The following SV2C variants were observed in gnomAD, a reference collection of about 807,000 sequenced individuals.
SV2C encodes the protein solute carrier family 22 member B3.
SV2C carries 49 observed loss-of-function variants against 79.7 expected under a neutral mutation model. The ratio of observed to expected loss-of-function variants is 0.61; its 90% CI spans 0.49 to 0.78. The LOEUF (loss-of-function observed/expected upper bound fraction) is 0.78, where lower values mean the gene tolerates loss of function less well. Ranked by LOEUF, SV2C falls within the 30% of genes least tolerant of loss-of-function variation. SV2C has a pLI of 0.00. For synonymous variants in SV2C, 334 were observed against 333.2 expected (o/e 1.00, Z -0.03); for missense variants, 833 against 912.9 (o/e 0.91, Z 1.13).
chr5:76,144,095 T>C (rs560925483), intron 2 of SV2C, among the ~76,000 whole-genome samples: 33 of 152,338 alleles, frequency 2.2e-4, no homozygotes, highest in South Asian at 4.1e-4. Flanking sequence ...ACAATGTGAA[T>C]GTACTCAACA....
intron 5 of SV2C, chr5:76,285,517 C>T: frequency 1.5e-6 from 1 of 665,600 alleles, no homozygotes; most frequent in Non-Finnish European, 2.5e-6. Flanking sequence ...AAACAAATAA[C>T]TTGGCTCAAT....
chr5:76,306,655 T>A (rs1451330271), intron 12 of SV2C, among the ~76,000 whole-genome samples: 11 of 152,058 alleles, frequency 7.2e-5, no homozygotes, highest in African/African-American at 2.7e-4. Flanking sequence ...AAATGTGAAT[T>A]CCACACAGCA....
At chr5:76,118,177 T>C (rs942120645) in intron 1 of SV2C, among the ~76,000 whole-genome samples, 6 of 152,176 alleles carry the variant, frequency 3.9e-5, no homozygotes, top group African/African-American at 1.2e-4. Context: ...TCCTTGCTCT[T>C]CTAGCTTCTG....
At chr5:76,195,739 A>G (rs1428197741) in intron 3 of SV2C, among the ~76,000 whole-genome samples, 1 of 152,212 alleles carries the variant, frequency 6.6e-6, no homozygotes, top group African/African-American at 2.4e-5. Flanking sequence ...CTGAATAAGG[A>G]ATATATGAGA....
the SV2C span, among the ~76,000 whole-genome samples, chr5:75,922,331 T>C: frequency 9.2e-5 from 14 of 152,240 alleles, no homozygotes; most frequent in East Asian, 1.9e-4. Flanking sequence ...GATAGGAAAT[T>C]TATAAAACAA....
chr5:76,199,336 C>T (rs1013658411), intron 3 of SV2C, among the ~76,000 whole-genome samples: 2 of 152,066 alleles, frequency 1.3e-5, no homozygotes, highest in Non-Finnish European at 2.9e-5. Flanking sequence ...CTTTTGTGGG[C>T]CTCTGGTGCA....
At chr5:76,260,630 G>A (rs1416410194) in intron 4 of SV2C, among the ~76,000 whole-genome samples, 6 of 152,164 alleles carry the variant, frequency 3.9e-5, no homozygotes, top group African/African-American at 1.4e-4. Flanking sequence ...TAAGATGTAA[G>A]GAAGGTGTCC....
At chr5:75,982,879 C>T in the SV2C span, among the ~76,000 whole-genome samples, 3 of 152,106 alleles carry the variant, frequency 2.0e-5, no homozygotes, top group African/African-American at 4.8e-5. Flanking sequence ...AACCAAACAC[C>T]GCATGTTCTC....
intron 4 of SV2C, among the ~76,000 whole-genome samples, chr5:76,256,377 C>T (rs1746265824): frequency 6.6e-6 from 1 of 152,232 alleles, no homozygotes; most frequent in South Asian, 2.1e-4. Flanking sequence ...GGAACATCCA[C>T]TCACGCATGC....
At chr5:75,893,459 G>A in the SV2C span, among the ~76,000 whole-genome samples, 1 of 152,120 alleles carries the variant, frequency 6.6e-6, no homozygotes, top group African/African-American at 2.4e-5. Flanking sequence ...CGTGGAAGCA[G>A]CTGGAAGCTG....
At chr5:76,035,267 CTTAGT>C in the SV2C span, among the ~76,000 whole-genome samples, 1 of 150,382 alleles carries the variant, frequency 6.6e-6, no homozygotes, top group African/African-American at 2.4e-5. Flanking sequence ...CTGCTCTGAT[CTTAGT>C]TATATCTTGC....
At chr5:75,868,462 A>G in the SV2C span, among the ~76,000 whole-genome samples, 1 of 152,204 alleles carries the variant, frequency 6.6e-6, no homozygotes, top group Non-Finnish European at 1.5e-5. Context: ...CTAGAAGGAA[A>G]GGGTCGCTCT....
At chr5:75,888,482 C>G in the SV2C span, among the ~76,000 whole-genome samples, 133 of 152,200 alleles carry the variant, frequency 8.7e-4, no homozygotes, top group African/African-American at 3.1e-3. Context: ...TTCACTTCCC[C>G]AAATACACAC....
At chr5:75,977,653 C>T in the SV2C span, among the ~76,000 whole-genome samples, 1 of 152,168 alleles carries the variant, frequency 6.6e-6, no homozygotes, top group Non-Finnish European at 1.5e-5. Context: ...AAGGGAGCCT[C>T]ACTCAGAACA....
At chr5:75,853,382 C>T in the SV2C span, among the ~76,000 whole-genome samples, 2 of 151,550 alleles carry the variant, frequency 1.3e-5, no homozygotes, top group African/African-American at 4.8e-5. Context: ...CGGTGAAACC[C>T]TGTCTCTACT....
chr5:76,325,535 G>A lies in SV2C; in HGVS notation c.2172G>A (p.Gln724=), dbSNP rs749209265. The change falls in exon 13 of 13, where the codon CAG becomes CAA. Residue 724 remains glutamine, a synonymous_variant. Coordinates refer to ENST00000502798, the MANE Select transcript of SV2C (RefSeq NM_014979.4). ...TGTGCCTGCCTGACACACGAACCCA[G>A]GTTCTGATGTAATGGGAAAAAAAGC... The part of the protein sequence containing the change: ...VGLCLPDTRT[Q]VLM 1 of 1,613,858 alleles carries A rather than the reference G, an allele frequency of 6.2e-7. No individual in the cohort carries two copies. The highest frequency in any genetic ancestry group is 8.5e-7 in the Non-Finnish European group (1 of 1,179,932).
chr5:76,085,552 AAAGG>A (rs1693103976), intron 1 of SV2C, among the ~76,000 whole-genome samples: 2 of 152,078 alleles, frequency 1.3e-5, no homozygotes, highest in South Asian at 4.2e-4. Context: ...AAAAAGAAAG[AAAGG>A]AAGGGAGGGA....
intron 2 of SV2C, among the ~76,000 whole-genome samples, chr5:76,169,631 A>G (rs999445160): frequency 6.6e-6 from 1 of 152,228 alleles, no homozygotes; most frequent in Non-Finnish European, 1.5e-5. Flanking sequence ...TCCTGCATCA[A>G]CTGAAGACTG....
intron 2 of SV2C, among the ~76,000 whole-genome samples, chr5:76,182,845 G>A (rs1743780203): frequency 6.6e-6 from 1 of 151,996 alleles, no homozygotes; most frequent in Non-Finnish European, 1.5e-5. Flanking sequence ...GAGGCCTCAG[G>A]AAGCTTCCAA....
Sources: gnomAD v4.1 joint callset for allele counts (sites outside exome capture counted in the v4.1 genomes callset) on GRCh38, gnomAD v4.1.1 for gene constraint, MANE v1.5 for transcripts, NCBI Gene and HGNC (gene_info 2026-07-23, HGNC 2026-07-21) for gene names.